Variants in SELENBP1 observed in about 807,000 individuals in gnomAD.
SELENBP1 encodes selenium binding protein 1.
A neutral mutation model predicts 61.0 loss-of-function variants in SELENBP1; 71 were observed. The ratio of observed to expected loss-of-function variants is 1.16; its 90% CI spans 0.96 to 1.42. The LOEUF (loss-of-function observed/expected upper bound fraction) is 1.42. Among genes scored for constraint, SELENBP1 ranks in the 40% most tolerant of loss-of-function variants. The pLI is 0.00. For missense variants in SELENBP1, 561 were observed against 605.0 expected (o/e 0.93, Z 0.76); for synonymous variants, 270 against 238.9 (o/e 1.13, Z -1.20).
Position 151,366,300 on chromosome 1 carries a change from G to C in SELENBP1, c.818C>G (p.Thr273Ser). Reference protein sequence around the residue: ...QGFVGCALSSTIQRFYKNEGG... With the variant: ...QGFVGCALSSSIQRFYKNEGG... ...CTCGTTCTTGTAGAAGCGCTGGATG[G>C]TGGAGCTGAGTGCGCAGCCCACAAA... Residue 273 changes from threonine to serine, a missense_variant, in exon 7 of 12, where the codon ACC becomes AGC. Coordinates refer to ENST00000368868, the MANE Select transcript of SELENBP1 (RefSeq NM_003944.4). 6.2e-7 allele frequency: 1 copy of C among 1,613,962 alleles called. No homozygotes were observed. Among genetic ancestry groups the C allele is most frequent in the Non-Finnish European group, 8.5e-7 (1 of 1,179,970 alleles).
chr1:151,368,925 G>A, intron 4 of SELENBP1, 79 bp downstream of exon 4: 1 of 1,455,580 alleles, frequency 6.9e-7, no homozygotes, highest in Non-Finnish European at 9.4e-7. Context: ...GCTGGTTTAG[G>A]TCTGGCTTCC....
chr1:151,368,905 G>A (rs1651991555), intron 4 of SELENBP1, 99 bp downstream of exon 4: 5 of 1,288,170 alleles, frequency 3.9e-6, no homozygotes, highest in Non-Finnish European at 5.4e-6. Flanking sequence ...CCGCGTAAGA[G>A]CTGGAGGCTG....
intron 1 of SELENBP1, among the ~76,000 whole-genome samples, chr1:151,370,546 C>T (rs1234879592): frequency 6.6e-6 from 1 of 152,160 alleles, no homozygotes; most frequent in Non-Finnish European, 1.5e-5. Context: ...AGAGGCCTGC[C>T]CACCAGAGAG....
At chr1:151,366,481 G>A (rs754263805) in intron 6 of SELENBP1, 28 bp from the exon 7 acceptor site, 10 of 1,604,034 alleles carry the variant, frequency 6.2e-6, no homozygotes, top group Non-Finnish European at 8.5e-6. Flanking sequence ...CCGGAGGATA[G>A]GCTCAGCATC....
intron 11 of SELENBP1, 98 bp downstream of exon 11, chr1:151,364,828 G>T: frequency 6.7e-7 from 1 of 1,482,552 alleles, no homozygotes. Context: ...CATCTGTGTG[G>T]TGGGGTACAG....
At chr1:151,370,085 C>A in intron 1 of SELENBP1, 1 of 1,167,864 alleles carries the variant, frequency 8.6e-7, no homozygotes, top group Non-Finnish European at 1.2e-6. Flanking sequence ...GGGGCCCAAC[C>A]CCAGCCCACC....
Position 151,366,314 on chromosome 1 carries a change from G to A in SELENBP1, c.804C>T (p.Cys268=), listed in dbSNP as rs752332087. The A allele has an allele frequency of 1.1e-5, 18 of 1,614,094 alleles. No individual in the cohort carries two copies. In the South Asian group the frequency reaches 1.6e-4, roughly 15 times the overall value. The change falls in exon 7 of 12, where the codon TGC becomes TGT. Residue 268 remains cysteine (C), a synonymous_variant. Transcript: ENST00000368868. ...AGCGCTGGATGGTGGAGCTGAGTGCGCAGCCCACAAAGCCTTGGGCAGCGT... is the reference window on the plus strand; with the variant it reads ...AGCGCTGGATGGTGGAGCTGAGTGCACAGCCCACAAAGCCTTGGGCAGCGT... The part of the protein sequence containing the change: ...NPDAAQGFVG[C]ALSSTIQRFY...
chr1:151,365,312 A>G (rs10788804), intron 9 of SELENBP1, 31 bp from the exon 10 acceptor site: 979,803 of 1,593,328 alleles, frequency 0.61, 306,419 homozygotes, highest in Non-Finnish European at 0.64. Flanking sequence ...TATAAGGAGG[A>G]CCATAGTGGG....
chr1:151,366,685 G>A, intron 6 of SELENBP1, 37 bp downstream of exon 6: 2 of 1,603,820 alleles, frequency 1.2e-6, no homozygotes, highest in Non-Finnish European at 1.7e-6. Flanking sequence ...GGGGATGTAG[G>A]CCCAAGGCTC....
rs146240164 is a variant in SELENBP1, at chr1:151,366,359, G to T, written c.759C>A (p.Ile253=). The change falls in exon 7 of 12, where the codon ATC becomes ATA. Residue 253 remains isoleucine (I), a synonymous_variant. Coordinates refer to ENST00000368868, the MANE Select transcript of SELENBP1 (RefSeq NM_003944.4). The part of the protein sequence containing the change: ...SLKDGLIPLE[I]RFLHNPDAAQ... Reference sequence around the variant, plus strand: ...CAGCGTCTGGGTTGTGCAGGAAGCGGATCTCCAAGGGAATAAGCCCATCTT... The same window carrying T: ...CAGCGTCTGGGTTGTGCAGGAAGCGTATCTCCAAGGGAATAAGCCCATCTT... The T allele has an allele frequency of 3.0e-5, 49 of 1,614,062 alleles. No individual in the cohort carries two copies. The highest frequency in any genetic ancestry group is 4.2e-5 in the Non-Finnish European group (49 of 1,180,048).
chr1:151,365,561 A>G lies in SELENBP1; in HGVS notation c.1044+2T>C. 1 of 1,612,286 alleles carries G rather than the reference A, an allele frequency of 6.2e-7. No individual in the cohort carries two copies. The highest frequency in any genetic ancestry group is 8.5e-7 in the Non-Finnish European group (1 of 1,179,486). On this transcript the variant is annotated splice_donor_variant, in intron 9 of 11. Transcript: ENST00000368868. LOFTEE classifies it high-confidence loss of function. ...TTCTGCTCCTCCTGCCAGGGTCTCC[A>G]CCTGTCCTGTGAGGCGGGGTCTCTG...
chr1:151,369,030 C>T lies in SELENBP1; in HGVS notation c.334G>A (p.Glu112Lys), dbSNP rs1652002344. ...SRIYVVDVGS[E>K]PRAPKLHKVI... Reference sequence around the variant, plus strand: ...TTGTGCAGCTTTGGGGCCCGGGGCTCAGAGCCCACGTCCACCACATAGATG... The same window carrying T: ...TTGTGCAGCTTTGGGGCCCGGGGCTTAGAGCCCACGTCCACCACATAGATG... Residue 112 changes from glutamate to lysine, a missense_variant, in exon 4 of 12, where the codon GAG (glutamate) becomes AAG (lysine). Coordinates refer to ENST00000368868, the MANE Select transcript of SELENBP1 (RefSeq NM_003944.4). 1 of 1,612,102 alleles carries T rather than the reference C, an allele frequency of 6.2e-7. No homozygotes were observed. Among genetic ancestry groups the T allele is most frequent in the Non-Finnish European group, 8.5e-7 (1 of 1,178,438 alleles).
chr1:151,368,056 A>G (rs1454497079), intron 5 of SELENBP1, 143 bp downstream of exon 5: 1 of 1,074,650 alleles, frequency 9.3e-7, no homozygotes, highest in Non-Finnish European at 1.4e-6. Context: ...TAACATTTAA[A>G]ATACTGGCTG....
intron 4 of SELENBP1, among the ~76,000 whole-genome samples, 176 bp downstream of exon 4, chr1:151,368,828 T>C (rs1651985733): frequency 6.6e-6 from 1 of 152,202 alleles, no homozygotes; most frequent in East Asian, 1.9e-4. Flanking sequence ...TGGAGGGTGA[T>C]GACCCAGAAT....
chr1:151,372,614 G>A (rs774984298), intron 1 of SELENBP1, 24 bp downstream of exon 1: 1 of 1,614,200 alleles, frequency 6.2e-7, no homozygotes, highest in South Asian at 1.1e-5. Context: ...CAGGCAATGG[G>A]TGATTGGAAA....
At chr1:151,366,613 C>T (rs1052376347) in intron 6 of SELENBP1, 109 bp downstream of exon 6, 1 of 1,444,444 alleles carries the variant, frequency 6.9e-7, no homozygotes. Flanking sequence ...TATGCCATCT[C>T]TCTTAGATTC....
intron 4 of SELENBP1, 114 bp from the exon 5 acceptor site, chr1:151,368,433 A>G: frequency 7.2e-7 from 1 of 1,395,750 alleles, no homozygotes; most frequent in Non-Finnish European, 9.8e-7. Flanking sequence ...CCTTCAAAAC[A>G]TGGACACAAC....
intron 4 of SELENBP1, 68 bp downstream of exon 4, chr1:151,368,936 T>C (rs1369520511): frequency 1.9e-5 from 28 of 1,508,816 alleles, no homozygotes; most frequent in Non-Finnish European, 2.4e-5. Context: ...TCTGGCTTCC[T>C]GCCCGTAGAC....
At position 151,364,459 on chromosome 1, in the gene SELENBP1, G is replaced by A. The variant is rs949928183; in HGVS notation, c.*84C>T. 4.0e-5 allele frequency: 61 copies of A among 1,540,422 alleles called. 1 individual carries two copies. In the African/African-American group the frequency reaches 5.6e-4, roughly 14 times the overall value. On this transcript the variant is annotated 3_prime_UTR_variant, in exon 12 of 12. Coordinates refer to ENST00000368868, the MANE Select transcript of SELENBP1 (RefSeq NM_003944.4). ...TGTGTGGTACATGCTGCCAAGGGTC[G>A]GGTGCCAAGAGAGAGCAGAATGAAG...
Sources: gnomAD v4.1 joint callset for allele counts (sites outside exome capture counted in the v4.1 genomes callset) on GRCh38, gnomAD v4.1.1 for gene constraint, MANE v1.5 for transcripts, NCBI Gene and HGNC (gene_info 2026-07-23, HGNC 2026-07-21) for gene names.